The following DYM variants were observed in gnomAD, a reference collection of about 807,000 sequenced individuals.
DYM encodes dymeclin.
In DYM, 78 loss-of-function variants were observed where a neutral mutation model predicts 93.1. The observed-to-expected ratio is 0.84, with a 90% CI of 0.70 to 1.01. The LOEUF (loss-of-function observed/expected upper bound fraction) is 1.01. Ranked by LOEUF, DYM falls within the 50% of genes least tolerant of loss-of-function variation. The probability of loss-of-function intolerance (pLI) is 0.00; values close to 1 mark genes in which losing one functional copy is unlikely to be tolerated. For synonymous variants in DYM, 321 were observed against 319.7 expected, an observed-to-expected ratio of 1.00 and a Z score of -0.04; for missense variants, 789 against 845.0, an observed-to-expected ratio of 0.93 and a Z score of 0.82.
chr18:49,334,856 A>C (rs1257334829), intron 6 of DYM, among the ~76,000 whole-genome samples: 2 of 152,224 alleles, frequency 1.3e-5, no homozygotes. Context: ...CTGTAATCCC[A>C]GCACTTTGGG....
chr18:49,252,014 G>C (rs2094298501), intron 13 of DYM, among the ~76,000 whole-genome samples: 1 of 151,764 alleles, frequency 6.6e-6, no homozygotes, highest in Admixed American at 6.6e-5. Context: ...AGGAGTTCAA[G>C]ACCAGCTTTG....
intron 13 of DYM, among the ~76,000 whole-genome samples, chr18:49,233,116 C>G (rs1352356204): frequency 6.6e-6 from 1 of 152,028 alleles, no homozygotes; most frequent in Non-Finnish European, 1.5e-5. Context: ...AATCCCAGCA[C>G]TTTGGGAGGC....
intron 13 of DYM, among the ~76,000 whole-genome samples, chr18:49,238,094 T>A (rs961743916): frequency 9.9e-5 from 15 of 152,130 alleles, no homozygotes; most frequent in Non-Finnish European, 1.9e-4. Context: ...TATTTGAAAT[T>A]TGGATGGATA....
At chr18:49,446,516 C>G (rs1414185578) in intron 1 of DYM, among the ~76,000 whole-genome samples, 1 of 152,084 alleles carries the variant, frequency 6.6e-6, no homozygotes, top group Non-Finnish European at 1.5e-5. Flanking sequence ...AGAACAAGTA[C>G]AGGGTTGAAA....
chr18:49,403,964 CATTTT>C (rs2074557362), intron 2 of DYM, among the ~76,000 whole-genome samples: 1 of 151,822 alleles, frequency 6.6e-6, no homozygotes, highest in African/African-American at 2.4e-5. Context: ...ATATATAGCA[CATTTT>C]ATTTATCCAA....
chr18:49,270,841 A>C (rs995513049), intron 11 of DYM, among the ~76,000 whole-genome samples: 1 of 152,176 alleles, frequency 6.6e-6, no homozygotes, highest in African/African-American at 2.4e-5. Context: ...AATATAATAT[A>C]AAAGCCCTAC....
intron 6 of DYM, among the ~76,000 whole-genome samples, chr18:49,351,990 G>A (rs1272515311): frequency 1.3e-5 from 2 of 151,854 alleles, no homozygotes; most frequent in African/African-American, 4.8e-5. Context: ...TGTCAATGAG[G>A]GTAGTCCCAA....
chr18:49,398,740 A>G (rs114889358), intron 2 of DYM, among the ~76,000 whole-genome samples: 1,649 of 152,230 alleles, frequency 0.011, 29 homozygotes, highest in African/African-American at 0.038. Context: ...ATAGTAAGTA[A>G]AACTGATTTT....
chr18:49,202,183 T>C (rs1441292479), intron 14 of DYM, among the ~76,000 whole-genome samples: 2 of 152,230 alleles, frequency 1.3e-5, no homozygotes, highest in Admixed American at 6.5e-5. Context: ...AAAATGGAAA[T>C]GTACATCCAA....
In DYM at chr18:49,261,125, G is replaced by A. The variant is rs570997884; in HGVS notation, c.1252-2632C>T. On this transcript the variant is annotated intron_variant, in intron 11 of 17. Transcript: ENST00000675505. ...ATATTAGGAATGAGAAGGGAGTACA[G>A]AAACAGATTAAAAGAATAAAAACAC... Among the ~76,000 whole-genome samples, 3 of 152,232 alleles carry A rather than the reference G, an allele frequency of 2.0e-5. No individual in the cohort carries two copies. In the South Asian group the frequency reaches 6.2e-4, roughly 32 times the overall value.
rs2091011495 is a variant in DYM at position 49,191,983 on chromosome 18, C to T, written c.1625+17568G>A. Among the ~76,000 whole-genome samples, 3 of 152,104 alleles carry T rather than the reference C, an allele frequency of 2.0e-5. No homozygotes were observed. The East Asian group carries it at 5.8e-4, about 29-fold the overall frequency. ...ACGGGGTCTCACTATGTCACCCAGG[C>T]TGGAGTGTAATAGTGCAATCATAGC... is the stretch of plus-strand genomic sequence containing the variant. On this transcript the variant is annotated intron_variant, in intron 14 of 17. Coordinates refer to ENST00000675505, the MANE Select transcript of DYM (RefSeq NM_001353214.3).
At chr18:49,269,642 T>C (rs1462425169) in intron 11 of DYM, among the ~76,000 whole-genome samples, 1 of 152,148 alleles carries the variant, frequency 6.6e-6, no homozygotes, top group Non-Finnish European at 1.5e-5. Context: ...AGACAGCATA[T>C]ACAAAGAAGG....
At chr18:49,220,922 A>G (rs1044996152) in intron 13 of DYM, among the ~76,000 whole-genome samples, 13 of 152,376 alleles carry the variant, frequency 8.5e-5, no homozygotes, top group Middle Eastern at 3.4e-3. Context: ...AATTCAACTA[A>G]AGAGCTTCTG....
At chr18:49,406,207 T>A (rs1470965119) in intron 2 of DYM, among the ~76,000 whole-genome samples, 1 of 152,196 alleles carries the variant, frequency 6.6e-6, no homozygotes, top group Non-Finnish European at 1.5e-5. Flanking sequence ...TTTTATTTCT[T>A]TCTCTTGCCT....
intron 2 of DYM, among the ~76,000 whole-genome samples, chr18:49,425,055 T>G (rs1458280870): frequency 6.6e-6 from 1 of 152,134 alleles, no homozygotes. Flanking sequence ...TTAAAGTTCA[T>G]GTAGAATCAA....
intron 16 of DYM, among the ~76,000 whole-genome samples, chr18:49,112,849 G>A (rs1454145395): frequency 6.6e-6 from 1 of 152,042 alleles, no homozygotes; most frequent in African/African-American, 2.4e-5. Flanking sequence ...TATTCTCTGT[G>A]CCTAGAGTGC....
At chr18:49,181,618 A>C (rs762357439) in intron 14 of DYM, among the ~76,000 whole-genome samples, 3 of 152,172 alleles carry the variant, frequency 2.0e-5, no homozygotes, top group Non-Finnish European at 2.9e-5. Flanking sequence ...TCGGTGCTCA[A>C]AACGTTCTGA....
At chr18:49,237,792 A>G (rs550044711) in intron 13 of DYM, among the ~76,000 whole-genome samples, 1 of 152,312 alleles carries the variant, frequency 6.6e-6, no homozygotes, top group South Asian at 2.1e-4. Context: ...ACAAAGATAA[A>G]TGCAAACAAA....
intron 17 of DYM, among the ~76,000 whole-genome samples, chr18:49,085,235 A>C (rs1424109392): frequency 6.6e-6 from 1 of 152,214 alleles, no homozygotes; most frequent in African/African-American, 2.4e-5. Context: ...AGTGAGCAAC[A>C]ATATAATTTA....
Sources: allele counts gnomAD v4.1 joint callset (sites outside exome capture counted in the v4.1 genomes callset), GRCh38; gene constraint gnomAD v4.1.1; transcripts MANE v1.5; gene names NCBI Gene and HGNC (gene_info 2026-07-23, HGNC 2026-07-21).